The following SDK1 variants were observed in gnomAD, a reference collection of about 807,000 sequenced individuals.
The protein encoded by SDK1 is sidekick cell adhesion molecule 1.
A neutral mutation model predicts 245.5 loss-of-function variants in SDK1; 157 were observed. The observed-to-expected ratio is 0.64, with a 90% CI of 0.56 to 0.73. SDK1 has a LOEUF of 0.73. Among genes scored for constraint, SDK1 ranks in the 30% least tolerant of loss-of-function variants. The pLI is 0.00. For synonymous variants in SDK1, 1,647 were observed against 1,278.5 expected (o/e 1.29, Z -6.15); for missense variants, 3,583 against 3,002.3 (o/e 1.19, Z -4.52).
At chr7:3,969,479 G>A (rs950901723) in intron 11 of SDK1, 55 bp downstream of exon 11, 23 of 1,381,498 alleles carry the variant, frequency 1.7e-5, no homozygotes, top group Middle Eastern at 1.9e-4. Flanking sequence ...TAATCATCAC[G>A]TCATCGTGTG....
At chr7:3,955,396 C>T (rs1040557074) in intron 7 of SDK1, among the ~76,000 whole-genome samples, 1 of 152,224 alleles carries the variant, frequency 6.6e-6, no homozygotes, top group African/African-American at 2.4e-5. Flanking sequence ...TTTAGGGGCT[C>T]ACATGATTAA....
At chr7:4,248,655 T>C (rs1016906728) in intron 44 of SDK1, among the ~76,000 whole-genome samples, 3 of 151,388 alleles carry the variant, frequency 2.0e-5, no homozygotes, top group Admixed American at 6.6e-5. Context: ...CCTGTGCACA[T>C]GTACAAATAA....
intron 1 of SDK1, among the ~76,000 whole-genome samples, chr7:3,464,717 C>CAT (rs1281988714): frequency 6.1e-5 from 9 of 146,556 alleles, no homozygotes; most frequent in Middle Eastern, 3.2e-3. Context: ...TATATATATA[C>CAT]ACACACACAC....
At chr7:3,731,524 G>A (rs772547473) in intron 4 of SDK1, among the ~76,000 whole-genome samples, 3 of 152,156 alleles carry the variant, frequency 2.0e-5, no homozygotes, top group South Asian at 2.1e-4. Flanking sequence ...TAGTAGTGTC[G>A]CTTTGTAGCA....
Position 3,743,352 on chromosome 7 carries a change from G to A in SDK1, c.714-78098G>A, listed in dbSNP as rs145994127. Among the ~76,000 whole-genome samples, 677 of 152,262 alleles carry A rather than the reference G, an allele frequency of 4.4e-3. 9 individuals carry two copies. Among genetic ancestry groups the A allele is most frequent in the African/African-American group, 0.015 (624 of 41,544 alleles). On this transcript the variant is annotated intron_variant, in intron 4 of 44. Transcript: ENST00000404826. ...GGCGGTACAGTCTTGCTAAGTCACA[G>A]ATTTTTGAACCCAAAACATTCAGCC... is the stretch of plus-strand genomic sequence containing the variant.
intron 4 of SDK1, among the ~76,000 whole-genome samples, chr7:3,784,461 G>C (rs1199016151): frequency 6.6e-6 from 1 of 151,766 alleles, no homozygotes; most frequent in East Asian, 1.9e-4. Flanking sequence ...ACCATACTTT[G>C]GATAAGGGGT....
intron 40 of SDK1, among the ~76,000 whole-genome samples, chr7:4,222,824 C>T (rs1191797325): frequency 6.6e-6 from 1 of 152,058 alleles, no homozygotes; most frequent in Non-Finnish European, 1.5e-5. Flanking sequence ...CTGTGAAAGC[C>T]CATGGCCCCT....
rs1666051616 is a variant in SDK1 at position 3,641,885 on chromosome 7, GT to G, written c.566-70del. 2.4e-6 allele frequency: 3 copies of G among 1,263,118 alleles called. No individual in the cohort carries two copies. In the Admixed American group the frequency reaches 5.9e-5, roughly 25 times the overall value. The allele number at this position is 1,263,118 out of a possible 1,614,324, so 78.2% of individuals were successfully genotyped here. Reference sequence around the variant, plus strand: ...AGTGACTTTACTGTAACACTTACCTGTTTCCATCTGTGACCCCTTCCCTCCC... The same window carrying G: ...AGTGACTTTACTGTAACACTTACCTGTTCCATCTGTGACCCCTTCCCTCCC... On this transcript the variant is annotated intron_variant, in intron 3 of 44. Transcript: ENST00000404826.
At chr7:3,345,875 C>T (rs1309736214) in intron 1 of SDK1, among the ~76,000 whole-genome samples, 7 of 152,180 alleles carry the variant, frequency 4.6e-5, no homozygotes, top group Non-Finnish European at 1.0e-4. Flanking sequence ...ACAGCTTGGG[C>T]TGCCGTGACA....
intron 1 of SDK1, among the ~76,000 whole-genome samples, chr7:3,496,458 CTTT>C (rs76227321): frequency 7.0e-6 from 1 of 142,774 alleles, no homozygotes; most frequent in African/African-American, 2.6e-5. Flanking sequence ...GTGTTTTTAA[CTTT>C]TTTTTTTTTT....
chr7:3,833,564 T>C (rs770632965), intron 5 of SDK1, among the ~76,000 whole-genome samples: 2 of 152,204 alleles, frequency 1.3e-5, no homozygotes, highest in African/African-American at 4.8e-5. Context: ...TATATCCTCA[T>C]TAGTCAGAAT....
At chr7:3,646,797 A>C (rs536040003) in intron 4 of SDK1, among the ~76,000 whole-genome samples, 1 of 152,328 alleles carries the variant, frequency 6.6e-6, no homozygotes, top group South Asian at 2.1e-4. Context: ...TATGTTTTGA[A>C]AGTAGAGACA....
At chr7:3,639,871 A>G (rs997171416) in intron 3 of SDK1, among the ~76,000 whole-genome samples, 2 of 151,940 alleles carry the variant, frequency 1.3e-5, no homozygotes, top group African/African-American at 4.8e-5. Flanking sequence ...TATGTTTGAG[A>G]TAGGGTCTAT....
chr7:4,254,449 A>C (rs899886421), intron 44 of SDK1, among the ~76,000 whole-genome samples: 3 of 152,174 alleles, frequency 2.0e-5, no homozygotes, highest in Admixed American at 6.5e-5. Flanking sequence ...TTTCAACTCA[A>C]GAACTTCCCA....
chr7:3,597,049 T>C (rs1468408362), intron 1 of SDK1, among the ~76,000 whole-genome samples: 1 of 152,012 alleles, frequency 6.6e-6, no homozygotes, highest in East Asian at 1.9e-4. Flanking sequence ...GGCAGGCGGA[T>C]CATGAGGTCA....
At chr7:4,113,195 C>T (rs1040976667) in intron 23 of SDK1, 94 bp from the exon 24 acceptor site, 8 of 1,330,872 alleles carry the variant, frequency 6.0e-6, no homozygotes, top group Non-Finnish European at 8.3e-6. Flanking sequence ...CTATCTGAGC[C>T]CTCCCTTGAG....
intron 5 of SDK1, among the ~76,000 whole-genome samples, chr7:3,888,808 G>T (rs780559766): frequency 1.3e-5 from 2 of 152,148 alleles, no homozygotes; most frequent in African/African-American, 4.8e-5. Context: ...TGCAGATTTC[G>T]CAAGGTTTTC....
At chr7:4,203,186 A>G (rs1251292661) in intron 35 of SDK1, among the ~76,000 whole-genome samples, 1 of 152,250 alleles carries the variant, frequency 6.6e-6, no homozygotes, top group East Asian at 1.9e-4. Flanking sequence ...AGGCCATCCA[A>G]GCAACCAGCC....
chr7:3,939,080 G>A (rs1214640662), intron 5 of SDK1, among the ~76,000 whole-genome samples: 2 of 152,192 alleles, frequency 1.3e-5, no homozygotes, highest in East Asian at 1.9e-4. Flanking sequence ...TGGGATATAC[G>A]ACCGTATTTC....
Sources: allele counts gnomAD v4.1 joint callset (sites outside exome capture counted in the v4.1 genomes callset), GRCh38; gene constraint gnomAD v4.1.1; transcripts MANE v1.5; gene names NCBI Gene and HGNC (gene_info 2026-07-23, HGNC 2026-07-21).